THBS4: variants seen among roughly 807,000 people sequenced by gnomAD.
THBS4 encodes thrombospondin 4, also known as thrombospondin-4.
In THBS4, 90 loss-of-function variants were observed where a neutral mutation model predicts 115.7. The observed-to-expected ratio is 0.78, with a 90% confidence interval of 0.66 to 0.93. The LOEUF (loss-of-function observed/expected upper bound fraction) is 0.93, where lower values mean the gene tolerates loss of function less well. Among genes scored for constraint, THBS4 ranks in the 40% least tolerant of loss-of-function variants. THBS4 has a pLI of 0.00. For missense variants in THBS4, 1,087 were observed against 1,232.7 expected, an observed-to-expected ratio of 0.88 and a Z score of 1.77; for synonymous variants, 460 against 479.3, an observed-to-expected ratio of 0.96 and a Z score of 0.53.
intron 2 of THBS4, among the ~76,000 whole-genome samples, chr5:80,025,835 ATTAG>A: frequency 1.3e-5 from 2 of 152,238 alleles, no homozygotes; most frequent in Middle Eastern, 6.8e-3. Flanking sequence ...GGTAAACTTT[ATTAG>A]ATTTGTTACA....
At chr5:80,029,548 AT>A (rs1031621601) in intron 2 of THBS4, among the ~76,000 whole-genome samples, 12 of 152,222 alleles carry the variant, frequency 7.9e-5, no homozygotes, top group Middle Eastern at 3.4e-3. Flanking sequence ...GTTAATGATA[AT>A]TTTTTTATAG....
rs774233002 is a variant in THBS4, at chr5:80,058,667, A to G, written c.650-41A>G. ...GGTTTTGAGTCACTTAGAAATGACC[A>G]TCACTGGCTGAAAACTCTTTGCCTT... On this transcript the variant is annotated intron_variant, in intron 4 of 21. Transcript: ENST00000350881. The G allele has an allele frequency of 2.9e-5, 46 of 1,587,294 alleles. 1 individual carries two copies. In the Middle Eastern group the frequency reaches 5.0e-4, roughly 17 times the overall value.
intron 2 of THBS4, among the ~76,000 whole-genome samples, chr5:80,021,085 CAATTCTAGTACT>C (rs1316036191): frequency 2.6e-5 from 4 of 152,066 alleles, no homozygotes; most frequent in African/African-American, 9.7e-5. Context: ...AAGGAATTGC[CAATTCTAGTACT>C]AATTTGGTAG....
chr5:80,036,858 G>A (rs1832734477), intron 1 of THBS4, among the ~76,000 whole-genome samples: 1 of 152,204 alleles, frequency 6.6e-6, no homozygotes. Flanking sequence ...CCAGAGCAAA[G>A]ACTGCCTATG....
chr5:80,072,809 T>C (rs981298327), intron 14 of THBS4: 4 of 255,756 alleles, frequency 1.6e-5, no homozygotes, highest in Non-Finnish European at 2.3e-5. Context: ...TCACTCCTCC[T>C]CCCTGTCTGG....
chr5:79,998,165 C>G (rs1325506517), intron 1 of THBS4, among the ~76,000 whole-genome samples: 1 of 152,178 alleles, frequency 6.6e-6, no homozygotes, highest in Non-Finnish European at 1.5e-5. Context: ...CTGCCCAAAT[C>G]ACATGTCGAA....
At chr5:80,082,095 G>C (rs1489023000) in intron 20 of THBS4, 1 of 288,174 alleles carries the variant, frequency 3.5e-6, no homozygotes, top group East Asian at 6.3e-5. Context: ...GGTTTGGTTT[G>C]ATTTTTAACT....
intron 7 of THBS4, among the ~76,000 whole-genome samples, chr5:80,060,998 C>CTAG (rs1833613638): frequency 1.3e-5 from 2 of 152,150 alleles, no homozygotes. Context: ...ATTACCTTCG[C>CTAG]TAGTAGTAAG....
At chr5:80,039,996 G>T in intron 1 of THBS4, 81 bp from the exon 2 acceptor site, 1 of 1,255,484 alleles carries the variant, frequency 8.0e-7, no homozygotes, top group Non-Finnish European at 1.2e-6. Context: ...CTGTCAAATT[G>T]CACCCCCCCC....
At chr5:80,018,902 TG>T (rs1447966176) in intron 2 of THBS4, among the ~76,000 whole-genome samples, 17 of 152,306 alleles carry the variant, frequency 1.1e-4, no homozygotes, top group African/African-American at 4.1e-4. Context: ...ACTTTGTCTT[TG>T]TGTGTTGGGA....
In THBS4 at chr5:80,035,791, C is replaced by G. The variant is rs1446294485; in HGVS notation, c.88+166C>G. 1.3e-5 allele frequency among the ~76,000 whole-genome samples: 2 copies of G among 152,184 alleles called. No individual in the cohort carries two copies. Among genetic ancestry groups the G allele is most frequent in the African/African-American group, 2.4e-5 (1 of 41,448 alleles). The stretch of plus-strand genomic sequence containing the variant: ...ATTGTGATTGGAGGTAGTGATTAGT[C>G]TAGAATTTTCCGAAATTCGATTATC... On this transcript the variant is annotated intron_variant, in intron 1 of 21. Transcript: ENST00000350881. This position sits in a 1 kb window ranked among gnomAD's most constrained non-coding sequence, Gnocchi z 4.6.
In THBS4 at chr5:80,035,650, GGAGC is replaced by G. The variant is rs1832695204; in HGVS notation, c.88+27_88+30del. 7.6e-7 allele frequency: 1 copy of G among 1,311,384 alleles called. No individual in the cohort carries two copies. Among genetic ancestry groups the G allele is most frequent in the African/African-American group, 1.5e-5 (1 of 65,266 alleles). The allele number at this position is 1,311,384 out of a possible 1,614,324, so 81.2% of individuals were successfully genotyped here. ...GGTAAGTGGGTTCGGGTCGGGCCTG[GGAGC>G]GCCGGGCACCGGGTGCCCCATCTGC... is the stretch of plus-strand genomic sequence containing the variant. On this transcript the variant is annotated intron_variant, in intron 1 of 21. Coordinates refer to ENST00000350881, the MANE Select transcript of THBS4 (RefSeq NM_003248.6). The surrounding 1 kb of genome is among the most constrained non-coding windows in gnomAD (Gnocchi z 4.6).
chr5:80,005,174 T>C (rs1831990746), intron 2 of THBS4, among the ~76,000 whole-genome samples: 1 of 152,230 alleles, frequency 6.6e-6, no homozygotes, highest in Admixed American at 6.5e-5. Context: ...TCCTTATTGT[T>C]CTTAGCTCCT....
At position 80,077,015 on chromosome 5, in the gene THBS4, C is replaced by T; in HGVS notation, c.2053C>T (p.Leu685=). ...GCCCCCTGGACCAGACAACTGCCGG[C>T]TGGTCCCCAACCCAGCCCAGGAGGA... ...LVPPGPDNCR[L]VPNPAQEDSN... Residue 685 remains leucine (L), a synonymous_variant, in exon 16 of 22, where the codon CTG becomes TTG. Transcript: ENST00000350881. 1 of 1,611,046 alleles carries T rather than the reference C, an allele frequency of 6.2e-7. No individual in the cohort carries two copies. The highest frequency in any genetic ancestry group is 8.5e-7 in the Non-Finnish European group (1 of 1,178,404).
At chr5:80,053,267 A>G (rs1416816827) in intron 2 of THBS4, 2 of 152,058 alleles carry the variant, frequency 1.3e-5, no homozygotes, top group Non-Finnish European at 2.9e-5. Context: ...ATATTCAGCT[A>G]TTCCATAGTA....
At chr5:80,043,602 A>C (rs1395070836) in intron 2 of THBS4, among the ~76,000 whole-genome samples, 1 of 152,160 alleles carries the variant, frequency 6.6e-6, no homozygotes, top group African/African-American at 2.4e-5. Context: ...CAGGACTGGG[A>C]GATGAAGGAG....
chr5:80,079,334 T>C, intron 19 of THBS4, 76 bp downstream of exon 19: 1 of 1,457,390 alleles, frequency 6.9e-7, no homozygotes. Flanking sequence ...TGTTTTCCCA[T>C]GTGGTACTTA....
chr5:80,060,813 A>G (rs1246246718), intron 7 of THBS4, among the ~76,000 whole-genome samples: 1 of 152,224 alleles, frequency 6.6e-6, no homozygotes, highest in African/African-American at 2.4e-5. Context: ...AGCAATGTTC[A>G]TAGCAGGTAG....
intron 1 of THBS4, among the ~76,000 whole-genome samples, chr5:80,038,511 G>T (rs763371524): frequency 6.6e-6 from 1 of 152,068 alleles, no homozygotes; most frequent in Non-Finnish European, 1.5e-5. Flanking sequence ...ACAAGTGCAG[G>T]TGTCACAGGA....
Sources: allele counts gnomAD v4.1 joint callset (sites outside exome capture counted in the v4.1 genomes callset), GRCh38; gene constraint gnomAD v4.1.1; non-coding constraint Gnocchi (gnomAD v3.1); transcripts MANE v1.5; gene names NCBI Gene and HGNC (gene_info 2026-07-23, HGNC 2026-07-21).